RNGTT: variants seen among roughly 807,000 people sequenced by gnomAD.
RNGTT encodes the protein RNA guanylyltransferase and 5'-phosphatase.
RNGTT carries 33 observed loss-of-function variants against 79.3 expected under a neutral mutation model. That is an observed-to-expected ratio of 0.42 (90% CI 0.32 to 0.56). The LOEUF is 0.56. Among genes scored for constraint, RNGTT ranks in the 20% least tolerant of loss-of-function variants. The pLI, the probability that RNGTT is intolerant of heterozygous loss-of-function variation, is 0.17. For missense variants in RNGTT, 497 were observed against 739.1 expected, an observed-to-expected ratio of 0.67 and a Z score of 3.80; for synonymous variants, 222 against 235.9, an observed-to-expected ratio of 0.94 and a Z score of 0.54.
rs756028577 is a variant in RNGTT at position 88,844,461 on chromosome 6, T to C, written c.1165A>G (p.Ile389Val). ...VRLQCIEREIISPRHEKMKTG... is the reference protein window; with the variant it reads ...VRLQCIEREIVSPRHEKMKTG... ...TTCATTTTTTCGTGTCGAGGACTTA[T>C]AATTTCTCGTTCTATACACTGCAGA... The change falls in exon 11 of 16, where the codon ATA becomes GTA. Residue 389 changes from isoleucine to valine, a missense_variant. By Grantham distance (29) the Ile-to-Val change is conservative. This residue lies in a region of RNGTT where 440 missense variants were observed against 671.5 expected (regional missense o/e 0.66). Coordinates refer to ENST00000369485, the MANE Select transcript of RNGTT (RefSeq NM_003800.5). 5 of 1,614,032 alleles carry C rather than the reference T, an allele frequency of 3.1e-6. No individual in the cohort carries two copies. The highest frequency in any genetic ancestry group is 3.3e-5 in the Admixed American group (2 of 60,030).
chr6:88,759,937 A>C (rs1248481156), intron 13 of RNGTT, among the ~76,000 whole-genome samples: 1 of 152,220 alleles, frequency 6.6e-6, no homozygotes, highest in African/African-American at 2.4e-5. Flanking sequence ...CCAGGTAACA[A>C]GCTTTTTATA....
intron 8 of RNGTT, among the ~76,000 whole-genome samples, chr6:88,885,497 A>G (rs1353661553): frequency 6.6e-6 from 1 of 152,234 alleles, no homozygotes; most frequent in Non-Finnish European, 1.5e-5. Context: ...GCAAGAAAAT[A>G]AAGAAATGAG....
chr6:88,693,503 C>T (rs751954659), intron 13 of RNGTT, among the ~76,000 whole-genome samples: 2 of 151,992 alleles, frequency 1.3e-5, no homozygotes, highest in African/African-American at 4.8e-5. Flanking sequence ...AATCCCAGAA[C>T]CTGATGGCTT....
chr6:88,923,637 C>G (rs1348534250), intron 4 of RNGTT, among the ~76,000 whole-genome samples: 1 of 152,116 alleles, frequency 6.6e-6, no homozygotes, highest in Non-Finnish European at 1.5e-5. Flanking sequence ...GAACAAAACC[C>G]AAAGGCTCTG....
chr6:88,659,787 C>T (rs1041412430), intron 14 of RNGTT, among the ~76,000 whole-genome samples: 1 of 152,168 alleles, frequency 6.6e-6, no homozygotes. Context: ...CATCCAAATA[C>T]AGGACGCTCA....
chr6:88,614,366 G>T lies in RNGTT; in HGVS notation c.1536C>A (p.Asn512Lys), dbSNP rs943209604. The change falls in exon 15 of 16, where the codon AAC becomes AAA. Residue 512 changes from asparagine (N) to lysine (K), a missense_variant. Around this residue, in one of 3 missense-constraint regions of RNGTT, gnomAD observed 440 missense variants for 671.5 expected, o/e 0.66. Coordinates refer to ENST00000369485, the MANE Select transcript of RNGTT (RefSeq NM_003800.5). ...KVTKELKQYD[N>K]KIIECKFENN... The stretch of plus-strand genomic sequence containing the variant: ...TCTCAAATTTGCATTCTATAATTTT[G>T]TTGTCATACTGTTTCAGCTCTTTTG... 6.2e-7 allele frequency: 1 copy of T among 1,613,432 alleles called. No homozygotes were observed. Among genetic ancestry groups the T allele is most frequent in the African/African-American group, 1.3e-5 (1 of 74,886 alleles).
At chr6:88,941,557 C>A (rs552704244) in intron 1 of RNGTT, among the ~76,000 whole-genome samples, 1 of 152,014 alleles carries the variant, frequency 6.6e-6, no homozygotes, top group Non-Finnish European at 1.5e-5. Flanking sequence ...CGTGAGCCAC[C>A]GCACCCAGCC....
intron 13 of RNGTT, among the ~76,000 whole-genome samples, chr6:88,730,956 A>G (rs1178942165): frequency 6.6e-6 from 1 of 152,200 alleles, no homozygotes; most frequent in Non-Finnish European, 1.5e-5. Flanking sequence ...AAGAAACACT[A>G]AGGTCACAGC....
chr6:88,845,487 T>TTGG (rs1781455933), intron 10 of RNGTT, among the ~76,000 whole-genome samples: 1 of 152,230 alleles, frequency 6.6e-6, no homozygotes, highest in African/African-American at 2.4e-5. Flanking sequence ...ACCATCCAGA[T>TTGG]TAGTAATTAT....
intron 6 of RNGTT, among the ~76,000 whole-genome samples, chr6:88,901,028 G>C (rs1279225361): frequency 1.3e-5 from 2 of 151,664 alleles, no homozygotes; most frequent in African/African-American, 2.4e-5. Context: ...TGTAATCCTA[G>C]CTACTTGGGA....
intron 11 of RNGTT, among the ~76,000 whole-genome samples, chr6:88,814,648 T>C (rs1259448696): frequency 2.0e-5 from 3 of 152,118 alleles, no homozygotes; most frequent in African/African-American, 7.2e-5. Context: ...GACCTATCAG[T>C]TTAGAAGAAT....
intron 14 of RNGTT, among the ~76,000 whole-genome samples, chr6:88,662,229 G>C (rs552332213): frequency 1.3e-5 from 2 of 152,348 alleles, no homozygotes; most frequent in East Asian, 3.9e-4. Flanking sequence ...GAAGAAGTGA[G>C]ATCAATAGCC....
intron 13 of RNGTT, among the ~76,000 whole-genome samples, chr6:88,680,496 C>T (rs1446196335): frequency 6.6e-6 from 1 of 151,892 alleles, no homozygotes; most frequent in East Asian, 1.9e-4. Context: ...AATCCCAGCA[C>T]TTTGGGAAGC....
intron 4 of RNGTT, among the ~76,000 whole-genome samples, chr6:88,927,052 C>T (rs1314798445): frequency 6.6e-6 from 1 of 151,754 alleles, no homozygotes; most frequent in South Asian, 2.1e-4. Flanking sequence ...TACTTAAAAT[C>T]AAACAAGACA....
chr6:88,718,892 A>G lies in RNGTT; in HGVS notation c.1440-40473T>C, dbSNP rs549116589. 1.1e-3 allele frequency among the ~76,000 whole-genome samples: 171 copies of G among 152,344 alleles called. 1 individual carries two copies. The highest frequency in any genetic ancestry group is 4.0e-3 in the African/African-American group (167 of 41,588). On this transcript the variant is annotated intron_variant, in intron 13 of 15. Coordinates refer to ENST00000369485, the MANE Select transcript of RNGTT (RefSeq NM_003800.5). ...ATCCAAAACCAGATGTTTAGTTGAT[A>G]TATTTCTTTTAAAATATACGTTCAC... is the stretch of plus-strand genomic sequence containing the variant.
chr6:88,705,521 C>T (rs953230506), intron 13 of RNGTT, among the ~76,000 whole-genome samples: 2 of 151,948 alleles, frequency 1.3e-5, no homozygotes, highest in Non-Finnish European at 2.9e-5. Flanking sequence ...AGGAAGGATT[C>T]CTATAAATGA....
intron 14 of RNGTT, among the ~76,000 whole-genome samples, chr6:88,625,076 T>C (rs1337678641): frequency 6.6e-6 from 1 of 151,890 alleles, no homozygotes; most frequent in African/African-American, 2.4e-5. Context: ...ATTGACAATA[T>C]CAAAGTGTTG....
At chr6:88,675,308 T>G (rs879373721) in intron 14 of RNGTT, among the ~76,000 whole-genome samples, 4 of 152,186 alleles carry the variant, frequency 2.6e-5, no homozygotes, top group Admixed American at 1.3e-4. Flanking sequence ...GATTAAATAA[T>G]GCTTTCCCAC....
chr6:88,930,476 A>G (rs1206448647), intron 2 of RNGTT, among the ~76,000 whole-genome samples: 3 of 151,810 alleles, frequency 2.0e-5, no homozygotes, highest in East Asian at 1.9e-4. Context: ...GTTTGGGGGG[A>G]AAAAGATTAA....
Sources: allele counts gnomAD v4.1 joint callset (sites outside exome capture counted in the v4.1 genomes callset), GRCh38; gene constraint gnomAD v4.1.1; regional missense constraint gnomAD v4.1.1; transcripts MANE v1.5; gene names NCBI Gene and HGNC (gene_info 2026-07-23, HGNC 2026-07-21).